Variants in AKT3 observed in about 807,000 individuals in gnomAD.
The protein encoded by AKT3 is RAC-gamma serine/threonine-protein kinase.
AKT3 carries 15 observed loss-of-function variants against 65.3 expected under a neutral mutation model. That is an observed-to-expected ratio of 0.23 (90% CI 0.15 to 0.35). The LOEUF (loss-of-function observed/expected upper bound fraction) is 0.35. AKT3 is among the 10% of genes least tolerant of loss of function. AKT3 has a pLI of 1.00. For synonymous variants in AKT3, 206 were observed against 183.8 expected (o/e 1.12, Z -0.98); for missense variants, 243 against 576.5 (o/e 0.42, Z 5.92).
At chr1:243,606,013 TGAA>T (rs1419803150) in intron 8 of AKT3, among the ~76,000 whole-genome samples, 5 of 152,176 alleles carry the variant, frequency 3.3e-5, no homozygotes, top group Non-Finnish European at 1.5e-5. Context: ...TGCTCCTATG[TGAA>T]GAAGGACATG....
intron 2 of AKT3, among the ~76,000 whole-genome samples, chr1:243,778,930 T>C (rs1417776428): frequency 6.6e-6 from 1 of 151,990 alleles, no homozygotes; most frequent in Non-Finnish European, 1.5e-5. Context: ...CTTTTTTTTT[T>C]CTTGTCACTG....
At chr1:243,699,751 C>T (rs1435525977) in intron 2 of AKT3, among the ~76,000 whole-genome samples, 2 of 151,972 alleles carry the variant, frequency 1.3e-5, no homozygotes, top group Admixed American at 6.6e-5. Flanking sequence ...TATGGCAACA[C>T]ATGTGATTAA....
chr1:243,714,163 T>C (rs1451925026), intron 2 of AKT3, among the ~76,000 whole-genome samples: 1 of 152,224 alleles, frequency 6.6e-6, no homozygotes, highest in Non-Finnish European at 1.5e-5. Context: ...GTCACTTACA[T>C]GCACACTGCT....
At chr1:243,542,933 T>A (rs1672417076) in intron 12 of AKT3, among the ~76,000 whole-genome samples, 1 of 152,176 alleles carries the variant, frequency 6.6e-6, no homozygotes, top group African/African-American at 2.4e-5. Flanking sequence ...TGAGTAAGCC[T>A]GTAGATGGCA....
chr1:243,659,598 G>C (rs887404059), intron 4 of AKT3, among the ~76,000 whole-genome samples: 5 of 152,036 alleles, frequency 3.3e-5, no homozygotes, highest in African/African-American at 1.2e-4. Context: ...AATCCTAAAA[G>C]CGCAAATATG....
chr1:243,577,084 A>ATAT (rs2148516063), intron 8 of AKT3, among the ~76,000 whole-genome samples: 1 of 152,250 alleles, frequency 6.6e-6, no homozygotes, highest in South Asian at 2.1e-4. Flanking sequence ...AATATCTACA[A>ATAT]CTATTTGATT....
intron 5 of AKT3, among the ~76,000 whole-genome samples, chr1:243,641,459 ATTTT>A (rs1032197754): frequency 3.3e-5 from 5 of 151,668 alleles, no homozygotes; most frequent in African/African-American, 1.2e-4. Context: ...TATGTTCCTC[ATTTT>A]TTTATTTAAA....
chr1:243,568,846 AACCTGTT>A (rs1674359511), intron 9 of AKT3, among the ~76,000 whole-genome samples: 1 of 152,192 alleles, frequency 6.6e-6, no homozygotes, highest in Non-Finnish European at 1.5e-5. Flanking sequence ...GCATGGTTGT[AACCTGTT>A]TGTAGCACCC....
intron 3 of AKT3, among the ~76,000 whole-genome samples, chr1:243,677,105 T>C (rs1039733796): frequency 6.6e-6 from 1 of 152,232 alleles, no homozygotes; most frequent in Non-Finnish European, 1.5e-5. Context: ...TTTCTGCTAA[T>C]AAACATGTCT....
chr1:243,562,923 C>T (rs1673897371), intron 10 of AKT3, among the ~76,000 whole-genome samples: 1 of 152,178 alleles, frequency 6.6e-6, no homozygotes, highest in South Asian at 2.1e-4. Flanking sequence ...TTGTTTTCCA[C>T]TGCTAAGTAT....
At chr1:243,671,300 T>C (rs1175440396) in intron 3 of AKT3, among the ~76,000 whole-genome samples, 1 of 152,070 alleles carries the variant, frequency 6.6e-6, no homozygotes, top group South Asian at 2.1e-4. Flanking sequence ...GGATGGTCTC[T>C]CGATTTCCTG....
At chr1:243,604,421 A>T (rs1401361731) in intron 8 of AKT3, among the ~76,000 whole-genome samples, 1 of 151,272 alleles carries the variant, frequency 6.6e-6, no homozygotes, top group Admixed American at 6.6e-5. Flanking sequence ...ACCTGTGCAG[A>T]CTCTCTGGCT....
At chr1:243,648,427 A>C (rs951519963) in intron 4 of AKT3, among the ~76,000 whole-genome samples, 1 of 152,208 alleles carries the variant, frequency 6.6e-6, no homozygotes, top group African/African-American at 2.4e-5. Context: ...GAGAAGCTCC[A>C]TTTGGCCACA....
chr1:243,831,704 T>A (rs975121127), intron 2 of AKT3, among the ~76,000 whole-genome samples: 1 of 152,120 alleles, frequency 6.6e-6, no homozygotes, highest in African/African-American at 2.4e-5. Flanking sequence ...GAGCAGTGAA[T>A]AATATTACTC....
chr1:243,499,945 G>A lies in AKT3; in HGVS notation c.*5304C>T, dbSNP rs1360036631. 23 of 696,262 alleles carry A rather than the reference G, an allele frequency of 3.3e-5. No homozygotes were observed. Among genetic ancestry groups the A allele is most frequent in the South Asian group, 1.9e-4 (12 of 64,000 alleles). The allele number at this position is 696,262 out of a possible 1,614,324, so 43.1% of individuals were successfully genotyped here. On this transcript the variant is annotated 3_prime_UTR_variant, in exon 14 of 14. Transcript: ENST00000673466. ...ATCAACGCGGGCGCTGTCCCCGCAC[G>A]CAGTCGGGCTGGAGCTGGAGTCTGA...
intron 2 of AKT3, among the ~76,000 whole-genome samples, chr1:243,834,818 T>C (rs1372392639): frequency 6.6e-6 from 1 of 152,112 alleles, no homozygotes; most frequent in African/African-American, 2.4e-5. Flanking sequence ...AAAAAATTTT[T>C]TAACTGAAAA....
intron 6 of AKT3, among the ~76,000 whole-genome samples, chr1:243,635,864 C>T (rs1679935543): frequency 6.6e-6 from 1 of 151,946 alleles, no homozygotes; most frequent in African/African-American, 2.4e-5. Context: ...TGTCACACTC[C>T]AAATCTTCAT....
At chr1:243,739,211 G>T (rs1369240481) in intron 2 of AKT3, among the ~76,000 whole-genome samples, 1 of 152,030 alleles carries the variant, frequency 6.6e-6, no homozygotes, top group African/African-American at 2.4e-5. Flanking sequence ...AGAGCAAAAA[G>T]AAAGAGTAAA....
At chr1:243,514,999 G>A (rs944413360) in intron 12 of AKT3, among the ~76,000 whole-genome samples, 4 of 152,074 alleles carry the variant, frequency 2.6e-5, no homozygotes, top group Non-Finnish European at 5.9e-5. Flanking sequence ...CATACTTTCT[G>A]CCATGACTGA....
Sources: allele counts gnomAD v4.1 joint callset (sites outside exome capture counted in the v4.1 genomes callset), GRCh38; gene constraint gnomAD v4.1.1; transcripts MANE v1.5; gene names NCBI Gene and HGNC (gene_info 2026-07-23, HGNC 2026-07-21).